GPD1L: variants seen among roughly 807,000 people sequenced by gnomAD.
The protein encoded by GPD1L is glycerol-3-phosphate dehydrogenase 1 like.
In GPD1L, 17 loss-of-function variants were observed where a neutral mutation model predicts 32.9. That is an observed-to-expected ratio of 0.52 (90% confidence interval 0.35 to 0.78). The LOEUF is 0.78. Among genes scored for constraint, GPD1L ranks in the 30% least tolerant of loss-of-function variants. The pLI is 0.01. For missense variants in GPD1L, 361 were observed against 447.8 expected, an observed-to-expected ratio of 0.81 and a Z score of 1.75; for synonymous variants, 187 against 165.9, an observed-to-expected ratio of 1.13 and a Z score of -0.98.
chr3:32,119,925 A>G (rs1019457862), intron 1 of GPD1L, among the ~76,000 whole-genome samples: 2 of 152,288 alleles, frequency 1.3e-5, no homozygotes, highest in South Asian at 2.1e-4. Flanking sequence ...TCTGGCCTCA[A>G]AGAAATTCAT....
intron 1 of GPD1L, among the ~76,000 whole-genome samples, chr3:32,123,839 T>TAGATAGATAGACAGACAGAC (rs58722314): frequency 3.7e-5 from 5 of 134,586 alleles, no homozygotes; most frequent in South Asian, 2.4e-4. Context: ...GATAGATAGA[T>TAGATAGATAGACAGACAGAC]AGACAGACAG....
In GPD1L at chr3:32,106,733, G is replaced by A. The variant is rs1410991671; in HGVS notation, c.22G>A (p.Val8Met). MAAAPLK[V>M]CIVGSGNWGS... ...GGCCATGGCAGCGGCGCCCCTGAAA[G>A]TGTGCATCGTGGGCTCGGGGAACTG... Residue 8 changes from valine (V) to methionine (M), a missense_variant, in exon 1 of 8, where the codon GTG becomes ATG. Val to Met is a conservative substitution (Grantham distance 21). Transcript: ENST00000282541. This position sits in a 1 kb window ranked among gnomAD's most constrained non-coding sequence, Gnocchi z 4.0. 1 of 1,561,106 alleles carries A rather than the reference G, an allele frequency of 6.4e-7. No individual in the cohort carries two copies. Among genetic ancestry groups the A allele is most frequent in the Non-Finnish European group, 8.7e-7 (1 of 1,154,648 alleles).
At chr3:32,150,591 A>G (rs751883470) in intron 5 of GPD1L, among the ~76,000 whole-genome samples, 3 of 150,160 alleles carry the variant, frequency 2.0e-5, no homozygotes, top group Admixed American at 1.3e-4. Context: ...GGTTCAAGGA[A>G]TTCTCATGCC....
intron 4 of GPD1L, among the ~76,000 whole-genome samples, chr3:32,143,697 G>A (rs1020976029): frequency 4.6e-5 from 7 of 152,080 alleles, no homozygotes; most frequent in African/African-American, 1.4e-4. Context: ...ACAAAAATTA[G>A]CCAGGTGTGG....
rs1701179800 is a variant in GPD1L, at chr3:32,168,499, T to C, written c.*2589T>C. 1 of 152,600 alleles carries C rather than the reference T, an allele frequency of 6.6e-6. No individual in the cohort carries two copies. The highest frequency in any genetic ancestry group is 2.4e-5 in the African/African-American group (1 of 41,436). The allele number at this position is 152,600 out of a possible 1,614,324, so 9.5% of individuals were successfully genotyped here. ...AGACGGAGTCAAACTAAACTTGTGGTTTTTCATTTAACTTTTGACTACAGC... is the reference window on the plus strand; with the variant it reads ...AGACGGAGTCAAACTAAACTTGTGGCTTTTCATTTAACTTTTGACTACAGC... On this transcript the variant is annotated 3_prime_UTR_variant, in exon 8 of 8. Transcript: ENST00000282541.
intron 4 of GPD1L, among the ~76,000 whole-genome samples, chr3:32,145,654 G>T (rs1391160215): frequency 6.6e-6 from 1 of 152,198 alleles, no homozygotes; most frequent in Non-Finnish European, 1.5e-5. Flanking sequence ...GAGACACGAT[G>T]AGGCTGTAAT....
intron 2 of GPD1L, among the ~76,000 whole-genome samples, chr3:32,136,247 C>A (rs1444055752): frequency 1.3e-5 from 2 of 152,162 alleles, no homozygotes; most frequent in African/African-American, 4.8e-5. Flanking sequence ...TGCAGTAGTT[C>A]CAGACTTCAC....
chr3:32,108,935 C>T (rs112967949), intron 1 of GPD1L, among the ~76,000 whole-genome samples: 10 of 152,288 alleles, frequency 6.6e-5, no homozygotes, highest in Admixed American at 6.5e-5. Context: ...CTGCAAGCTC[C>T]GCTTCCTGGG....
chr3:32,145,956 T>C (rs947277320), intron 4 of GPD1L, among the ~76,000 whole-genome samples: 1 of 152,106 alleles, frequency 6.6e-6, no homozygotes, highest in Non-Finnish European at 1.5e-5. Flanking sequence ...TCTTTAGAAA[T>C]GATTAACTCC....
chr3:32,130,738 C>T (rs570354346), intron 2 of GPD1L, among the ~76,000 whole-genome samples: 4 of 145,212 alleles, frequency 2.8e-5, no homozygotes, highest in Admixed American at 1.6e-4. Context: ...TGGGACCGAG[C>T]GCAGTGGCTC....
intron 5 of GPD1L, among the ~76,000 whole-genome samples, chr3:32,150,536 G>T: frequency 6.6e-6 from 1 of 150,500 alleles, no homozygotes; most frequent in Middle Eastern, 3.2e-3. Flanking sequence ...GCCCAGGCTG[G>T]AGTGCAGTGG....
At chr3:32,155,310 A>G (rs1231647747) in intron 5 of GPD1L, among the ~76,000 whole-genome samples, 1 of 152,156 alleles carries the variant, frequency 6.6e-6, no homozygotes, top group Non-Finnish European at 1.5e-5. Flanking sequence ...GAGGATAGGT[A>G]CATACTTCTG....
intron 7 of GPD1L, among the ~76,000 whole-genome samples, chr3:32,164,931 C>G (rs923327071): frequency 4.9e-4 from 74 of 152,106 alleles, no homozygotes; most frequent in Middle Eastern, 6.4e-3. Flanking sequence ...CCTGGGCCGG[C>G]GCGGTGGCTC....
intron 1 of GPD1L, among the ~76,000 whole-genome samples, chr3:32,118,305 C>A (rs1185265688): frequency 6.6e-6 from 1 of 152,192 alleles, no homozygotes; most frequent in African/African-American, 2.4e-5. Context: ...AACTTACCAA[C>A]AAGAAAGGAT....
intron 5 of GPD1L, among the ~76,000 whole-genome samples, chr3:32,156,613 G>A (rs1700993615): frequency 6.6e-6 from 1 of 152,114 alleles, no homozygotes; most frequent in Admixed American, 6.5e-5. Context: ...AGGCCCAATT[G>A]GATGTTTTTT....
rs117021733 is a variant in GPD1L at position 32,113,065 on chromosome 3, C to T, written c.47+6307C>T. On this transcript the variant is annotated intron_variant, in intron 1 of 7. Coordinates refer to ENST00000282541, the MANE Select transcript of GPD1L (RefSeq NM_015141.4). ...ATAAAAATGTTGAGTATCCTCCCAA[C>T]AAAATCCAATTTTATATTCTCCTTC... Among the ~76,000 whole-genome samples, 89 of 152,218 alleles carry T rather than the reference C, an allele frequency of 5.8e-4. 1 individual carries two copies. In the East Asian group the frequency reaches 0.016, roughly 28 times the overall value.
At chr3:32,121,151 C>G (rs530925449) in intron 1 of GPD1L, among the ~76,000 whole-genome samples, 232 of 152,034 alleles carry the variant, frequency 1.5e-3, no homozygotes, top group Non-Finnish European at 2.9e-3. Flanking sequence ...ACGCCATTTT[C>G]TCCACCTTCC....
intron 4 of GPD1L, among the ~76,000 whole-genome samples, chr3:32,141,417 T>C (rs1700740795): frequency 6.6e-6 from 1 of 152,226 alleles, no homozygotes; most frequent in Non-Finnish European, 1.5e-5. Flanking sequence ...ATTATGTTTG[T>C]AGTGAATCAT....
chr3:32,111,815 CTTT>C (rs113395943), intron 1 of GPD1L, among the ~76,000 whole-genome samples: 9 of 143,766 alleles, frequency 6.3e-5, no homozygotes, highest in Admixed American at 1.4e-4. Flanking sequence ...GTGACTCTGT[CTTT>C]TTTTTTTTTT....
Sources: gnomAD v4.1 joint callset for allele counts (sites outside exome capture counted in the v4.1 genomes callset) on GRCh38, gnomAD v4.1.1 for gene constraint, Gnocchi (gnomAD v3.1) non-coding constraint, MANE v1.5 for transcripts, NCBI Gene and HGNC (gene_info 2026-07-23, HGNC 2026-07-21) for gene names.